The following SOX5 variants were observed in gnomAD, a reference collection of about 807,000 sequenced individuals.
SOX5 encodes the protein SRY-box transcription factor 5.
SOX5 carries 9 observed loss-of-function variants against 92.0 expected under a neutral mutation model. The observed-to-expected ratio is 0.10, with a 90% CI of 0.06 to 0.17. The LOEUF is 0.17. SOX5 is among the 10% of genes least tolerant of loss of function. The pLI, the probability that SOX5 is intolerant of heterozygous loss-of-function variation, is 1.00. For missense variants in SOX5, 642 were observed against 944.5 expected, an observed-to-expected ratio of 0.68 and a Z score of 4.20; for synonymous variants, 344 against 336.3, an observed-to-expected ratio of 1.02 and a Z score of -0.25.
intron 1 of SOX5, among the ~76,000 whole-genome samples, chr12:24,474,118 G>A (rs1320212205): frequency 6.6e-6 from 1 of 151,962 alleles, no homozygotes; most frequent in East Asian, 1.9e-4. Context: ...TACCTGGAAG[G>A]CATCAACTAG....
chr12:24,425,101 T>C (rs1330557858), intron 1 of SOX5, among the ~76,000 whole-genome samples: 1 of 152,132 alleles, frequency 6.6e-6, no homozygotes, highest in Non-Finnish European at 1.5e-5. Flanking sequence ...TCAGAATTAA[T>C]GTAGAGTGAA....
chr12:23,695,529 T>C (rs1434565268), intron 6 of SOX5, among the ~76,000 whole-genome samples: 1 of 152,206 alleles, frequency 6.6e-6, no homozygotes, highest in Non-Finnish European at 1.5e-5. Context: ...TCAAATGCTT[T>C]TTCTGCTTCT....
chr12:23,637,405 T>C (rs2079405493), intron 8 of SOX5, among the ~76,000 whole-genome samples: 1 of 152,110 alleles, frequency 6.6e-6, no homozygotes, highest in Non-Finnish European at 1.5e-5. Context: ...ACATCAGCAA[T>C]TGGTACTAGA....
At chr12:24,323,246 T>C (rs1390008086) in intron 2 of SOX5, among the ~76,000 whole-genome samples, 1 of 151,722 alleles carries the variant, frequency 6.6e-6, no homozygotes, top group Admixed American at 6.6e-5. Context: ...ATTCTCAAAA[T>C]AGTAGGGTAG....
At chr12:23,727,464 TAAG>T (rs1372278114) in intron 6 of SOX5, among the ~76,000 whole-genome samples, 4 of 151,732 alleles carry the variant, frequency 2.6e-5, no homozygotes, top group African/African-American at 9.7e-5. Flanking sequence ...ACCAATAACA[TAAG>T]GAGAAAAAAT....
intron 4 of SOX5, among the ~76,000 whole-genome samples, chr12:24,171,379 G>A (rs1240996274): frequency 2.6e-5 from 4 of 151,072 alleles, no homozygotes; most frequent in African/African-American, 7.3e-5. Flanking sequence ...ACATGCCACC[G>A]CACCCGGCTA....
intron 3 of SOX5, among the ~76,000 whole-genome samples, chr12:23,788,371 T>C (rs1285597100): frequency 6.6e-6 from 1 of 151,966 alleles, no homozygotes; most frequent in Admixed American, 6.6e-5. Context: ...AGAAACAAGC[T>C]TTCTTAACAC....
intron 6 of SOX5, among the ~76,000 whole-genome samples, chr12:23,697,259 T>C (rs1201211177): frequency 2.0e-5 from 3 of 152,350 alleles, no homozygotes; most frequent in African/African-American, 7.2e-5. Context: ...TAGTTACATA[T>C]GCATTCAGCA....
chr12:23,793,060 G>A (rs758776441), intron 3 of SOX5, among the ~76,000 whole-genome samples: 123 of 152,188 alleles, frequency 8.1e-4, no homozygotes, highest in Admixed American at 3.9e-3. Context: ...GACCTAAAAC[G>A]TTTTTCATGT....
intron 3 of SOX5, among the ~76,000 whole-genome samples, chr12:23,835,597 T>C (rs1033655301): frequency 6.6e-6 from 1 of 151,862 alleles, no homozygotes; most frequent in African/African-American, 2.4e-5. Context: ...TTCTGGAAAA[T>C]TGATCTCTAT....
chr12:23,881,089 A>G (rs1229435113), intron 2 of SOX5, among the ~76,000 whole-genome samples: 1 of 152,034 alleles, frequency 6.6e-6, no homozygotes, highest in Admixed American at 6.6e-5. Flanking sequence ...CTTAAATACC[A>G]CCTATCTTCT....
At chr12:23,678,369 C>T (rs899887729) in intron 6 of SOX5, among the ~76,000 whole-genome samples, 1 of 152,104 alleles carries the variant, frequency 6.6e-6, no homozygotes, top group Non-Finnish European at 1.5e-5. Context: ...CCTGCCTACA[C>T]ATAATGACAA....
At chr12:24,509,646 GC>G (rs1330102147) in intron 1 of SOX5, among the ~76,000 whole-genome samples, 2 of 152,218 alleles carry the variant, frequency 1.3e-5, no homozygotes, top group Non-Finnish European at 2.9e-5. Context: ...AACCTCCTAA[GC>G]CATGGGAAAT....
At chr12:24,239,126 C>T (rs1274336702) in intron 3 of SOX5, among the ~76,000 whole-genome samples, 1 of 152,194 alleles carries the variant, frequency 6.6e-6, no homozygotes, top group Admixed American at 6.5e-5. Flanking sequence ...TATTGCATTA[C>T]AATTGCTGTT....
chr12:23,981,994 G>A (rs1021950112), intron 4 of SOX5, among the ~76,000 whole-genome samples: 6 of 152,050 alleles, frequency 3.9e-5, no homozygotes, highest in Non-Finnish European at 8.8e-5. Context: ...GGGTAACCTA[G>A]AAGACAAAGA....
At chr12:23,688,051 C>A (rs948517204) in intron 6 of SOX5, among the ~76,000 whole-genome samples, 4 of 151,974 alleles carry the variant, frequency 2.6e-5, no homozygotes, top group Non-Finnish European at 5.9e-5. Context: ...ACCTTTGGGT[C>A]CCAAACACAA....
rs888458692 is a variant in SOX5, at chr12:23,685,635, C to A, written c.811-20071G>T. 3.4e-5 allele frequency among the ~76,000 whole-genome samples: 5 copies of A among 147,830 alleles called. 1 individual carries two copies. The highest frequency in any genetic ancestry group is 4.6e-4 in the South Asian group (2 of 4,322). ...CTCTAAAAATCCTTTTTGTCCCCCCCCCCAAAAATCTAATACAGAACCCTA... is the reference window on the plus strand; with the variant it reads ...CTCTAAAAATCCTTTTTGTCCCCCCACCCAAAAATCTAATACAGAACCCTA... On this transcript the variant is annotated intron_variant, in intron 6 of 14. Transcript: ENST00000451604.
chr12:24,259,352 T>G (rs951487887), intron 3 of SOX5, among the ~76,000 whole-genome samples: 1 of 152,226 alleles, frequency 6.6e-6, no homozygotes, highest in Admixed American at 6.5e-5. Context: ...ATTTATACAT[T>G]TGTGTGTATA....
At chr12:24,212,495 G>A in intron 4 of SOX5, 2 of 533,794 alleles carry the variant, frequency 3.7e-6, no homozygotes, top group South Asian at 1.4e-5. Flanking sequence ...GCAGTAACAC[G>A]GGAGGGGTTA....
Sources: gnomAD v4.1 joint callset for allele counts (sites outside exome capture counted in the v4.1 genomes callset) on GRCh38, gnomAD v4.1.1 for gene constraint, MANE v1.5 for transcripts, NCBI Gene and HGNC (gene_info 2026-07-23, HGNC 2026-07-21) for gene names.